The following MLLT3 variants were observed in gnomAD, a reference collection of about 807,000 sequenced individuals.
MLLT3 encodes the protein protein AF-9.
A neutral mutation model predicts 53.2 loss-of-function variants in MLLT3; 4 were observed. That is an observed-to-expected ratio of 0.08 (90% CI 0.04 to 0.17). MLLT3 has a LOEUF of 0.17. MLLT3 is among the 10% of genes least tolerant of loss of function. MLLT3 has a pLI of 1.00. For synonymous variants in MLLT3, 283 were observed against 230.6 expected (o/e 1.23, Z -2.06); for missense variants, 569 against 684.0 (o/e 0.83, Z 1.87).
intron 2 of MLLT3, among the ~76,000 whole-genome samples, chr9:20,589,708 C>T (rs986028164): frequency 6.6e-5 from 9 of 136,494 alleles, no homozygotes; most frequent in South Asian, 2.3e-4. Context: ...TGGTTTTAAT[C>T]GGTGATTTTT....
chr9:20,466,286 T>C (rs1053862795), intron 2 of MLLT3, among the ~76,000 whole-genome samples: 6 of 152,170 alleles, frequency 3.9e-5, no homozygotes, highest in African/African-American at 1.4e-4. Flanking sequence ...CATTCAAAAG[T>C]TTCAGATTTT....
At chr9:20,590,879 A>G (rs1290129781) in intron 2 of MLLT3, among the ~76,000 whole-genome samples, 1 of 151,548 alleles carries the variant, frequency 6.6e-6, no homozygotes, top group African/African-American at 2.4e-5. Flanking sequence ...GGGATGGATG[A>G]TGGACATGCA....
chr9:20,419,693 A>T (rs1207330342), intron 4 of MLLT3, among the ~76,000 whole-genome samples: 2 of 152,208 alleles, frequency 1.3e-5, no homozygotes, highest in Admixed American at 1.3e-4. Flanking sequence ...TAGAACCCAA[A>T]TATCCCACAC....
In MLLT3 at chr9:20,414,354, G is replaced by GCTGCTGCTGCTGCTGCTGCTGCTA. The variant is rs1422239160; in HGVS notation, c.468_491dup (p.Ser183_Ser190dup). 8.7e-6 allele frequency: 14 copies of GCTGCTGCTGCTGCTGCTGCTGCTA among 1,602,822 alleles called. No homozygotes were observed. Among genetic ancestry groups the GCTGCTGCTGCTGCTGCTGCTGCTA allele is most frequent in the East Asian group, 4.5e-5 (2 of 44,714 alleles). On this transcript the variant is annotated inframe_insertion, in exon 5 of 11. Transcript: ENST00000380338. ...TGCTGCTGCTGCTGCTACTGCTGCT[G>GCTGCTGCTGCTGCTGCTGCTGCTA]CTGCTGCTGCTGCTGCTGCTGCTAC...
At chr9:20,468,477 T>C (rs1208009531) in intron 2 of MLLT3, among the ~76,000 whole-genome samples, 6 of 151,964 alleles carry the variant, frequency 3.9e-5, no homozygotes, top group African/African-American at 7.3e-5. Flanking sequence ...TGAGCACATA[T>C]TGTGAAAAAG....
At chr9:20,512,320 A>G (rs1246667582) in intron 2 of MLLT3, among the ~76,000 whole-genome samples, 6 of 152,182 alleles carry the variant, frequency 3.9e-5, no homozygotes, top group African/African-American at 1.4e-4. Flanking sequence ...ACCATGAATC[A>G]GCAATATCAG....
At chr9:20,528,523 A>C (rs1818255984) in intron 2 of MLLT3, among the ~76,000 whole-genome samples, 1 of 152,256 alleles carries the variant, frequency 6.6e-6, no homozygotes, top group Admixed American at 6.5e-5. Flanking sequence ...ACTGAAATCA[A>C]GGTTTCATCA....
rs554392897 is a variant in MLLT3 at position 20,551,065 on chromosome 9, C to A, written c.193+69589G>T. Among the ~76,000 whole-genome samples the A allele has an allele frequency of 1.5e-4, 23 of 152,254 alleles. No individual in the cohort carries two copies. In the South Asian group the frequency reaches 4.4e-3, roughly 29 times the overall value. On this transcript the variant is annotated intron_variant, in intron 2 of 10. Transcript: ENST00000380338. ...AGGCGTGGGCCACAGCACCCAGCCA[C>A]AAAGTTTTCTTTAAATGGCCAATTC...
At chr9:20,474,257 G>A (rs1316634135) in intron 2 of MLLT3, among the ~76,000 whole-genome samples, 1 of 152,098 alleles carries the variant, frequency 6.6e-6, no homozygotes, top group African/African-American at 2.4e-5. Context: ...AATAAGAAAT[G>A]TGTAAAGAAA....
At chr9:20,440,228 T>C (rs936126223) in intron 4 of MLLT3, among the ~76,000 whole-genome samples, 1 of 152,204 alleles carries the variant, frequency 6.6e-6, no homozygotes, top group Admixed American at 6.5e-5. Flanking sequence ...CAATTGAATT[T>C]GTGCCTTCAG....
At chr9:20,393,374 G>T (rs1439149136) in intron 5 of MLLT3, among the ~76,000 whole-genome samples, 2 of 152,098 alleles carry the variant, frequency 1.3e-5, no homozygotes, top group South Asian at 2.1e-4. Context: ...GGAATCTGAG[G>T]ATTTGTCAGG....
rs190664536 is a variant in MLLT3 at position 20,344,535 on chromosome 9, G to C, written c.*1908C>G. 15 of 218,394 alleles carry C rather than the reference G, an allele frequency of 6.9e-5. No individual in the cohort carries two copies. Among genetic ancestry groups the C allele is most frequent in the African/African-American group, 3.4e-4 (15 of 44,588 alleles). The allele number at this position is 218,394 out of a possible 1,614,324, so 13.5% of individuals were successfully genotyped here. On this transcript the variant is annotated 3_prime_UTR_variant, in exon 11 of 11. Coordinates refer to ENST00000380338, the MANE Select transcript of MLLT3 (RefSeq NM_004529.4). ...AAGTTTCTCTGCACATCAAGAAGTG[G>C]ACAATACAACAAATGCTTCAAGTAC...
chr9:20,461,049 T>C (rs1036871267), intron 2 of MLLT3, among the ~76,000 whole-genome samples: 3 of 152,152 alleles, frequency 2.0e-5, no homozygotes, highest in Non-Finnish European at 4.4e-5. Flanking sequence ...CACACATTAC[T>C]ACCCATGTAC....
intron 5 of MLLT3, among the ~76,000 whole-genome samples, chr9:20,395,783 G>A (rs1244517122): frequency 6.6e-6 from 1 of 152,110 alleles, no homozygotes; most frequent in Non-Finnish European, 1.5e-5. Context: ...TTCCTGTGTG[G>A]TACATTACAT....
chr9:20,443,187 C>T (rs907977467), intron 4 of MLLT3, among the ~76,000 whole-genome samples: 12 of 151,992 alleles, frequency 7.9e-5, no homozygotes, highest in African/African-American at 2.9e-4. Flanking sequence ...AACACCCTAC[C>T]ACCATCCCAT....
At chr9:20,353,437 C>T (rs1821085981) in intron 10 of MLLT3, 88 bp downstream of exon 10, 3 of 1,062,122 alleles carry the variant, frequency 2.8e-6, no homozygotes, top group African/African-American at 1.6e-5. Context: ...CGTGGGGCTG[C>T]AGTGGCCTCC....
chr9:20,499,544 G>C (rs952103234), intron 2 of MLLT3, among the ~76,000 whole-genome samples: 3 of 152,076 alleles, frequency 2.0e-5, no homozygotes, highest in Admixed American at 6.5e-5. Flanking sequence ...TGACCTCCTT[G>C]AAACAGTCCA....
intron 2 of MLLT3, among the ~76,000 whole-genome samples, chr9:20,557,873 C>A: frequency 6.6e-6 from 1 of 152,044 alleles, no homozygotes; most frequent in Non-Finnish European, 1.5e-5. Flanking sequence ...CTTTCTATTC[C>A]CAGGGCTTCA....
At position 20,595,779 on chromosome 9, in the gene MLLT3, A is replaced by T. The variant is rs79561580; in HGVS notation, c.193+24875T>A. ...GACACGATTTTATATAAAAAGTCTT[A>T]TCAGATTCTTTTCCTCTACTTTTTA... is the stretch of plus-strand genomic sequence containing the variant. On this transcript the variant is annotated intron_variant, in intron 2 of 10. Transcript: ENST00000380338. 2.9e-3 allele frequency among the ~76,000 whole-genome samples: 437 copies of T among 152,340 alleles called. 3 individuals carry two copies. Among genetic ancestry groups the T allele is most frequent in the African/African-American group, 1.0e-2 (414 of 41,584 alleles).
Sources: gnomAD v4.1 joint callset for allele counts (sites outside exome capture counted in the v4.1 genomes callset) on GRCh38, gnomAD v4.1.1 for gene constraint, MANE v1.5 for transcripts, NCBI Gene and HGNC (gene_info 2026-07-23, HGNC 2026-07-21) for gene names.